Variants in PAQR5 observed in about 807,000 individuals in gnomAD.
The protein encoded by PAQR5 is progestin and adipoQ receptor family member 5, also known as membrane progestin receptor gamma.
PAQR5 carries 20 observed loss-of-function variants against 34.5 expected under a neutral mutation model. The observed-to-expected ratio is 0.58, with a 90% CI of 0.41 to 0.84. The LOEUF (loss-of-function observed/expected upper bound fraction) is 0.84, where lower values mean the gene tolerates loss of function less well. Among genes scored for constraint, PAQR5 ranks in the 40% least tolerant of loss-of-function variants. PAQR5 has a pLI of 0.00. For synonymous variants in PAQR5, 131 were observed against 155.6 expected, an observed-to-expected ratio of 0.84 and a Z score of 1.18; for missense variants, 378 against 412.7, an observed-to-expected ratio of 0.92 and a Z score of 0.73.
rs147539538 is a variant in PAQR5, at chr15:69,315,200, C to T, written c.-277+16144C>T. Among the ~76,000 whole-genome samples the T allele has an allele frequency of 2.2e-4, 34 of 152,226 alleles. No homozygotes were observed. The East Asian group carries it at 6.4e-3, about 29-fold the overall frequency. ...AGACTGTTTATGGTGGGCCTTCACA[C>T]GACTGCAACTGCGTTCTCTGCCCTT... On this transcript the variant is annotated intron_variant, in intron 1 of 8. Coordinates refer to ENST00000395407, the MANE Select transcript of PAQR5 (RefSeq NM_017705.4).
intron 1 of PAQR5, among the ~76,000 whole-genome samples, chr15:69,320,852 G>A (rs1341966981): frequency 2.6e-5 from 4 of 152,180 alleles, no homozygotes; most frequent in African/African-American, 9.6e-5. Context: ...TATGTCACAA[G>A]TATGCTTTTT....
rs188606333 is a variant in PAQR5 at position 69,385,669 on chromosome 15, A to C, written c.385+787A>C. ...GGTCCCATTCTAGGTGAGAAAACCA[A>C]TTATTGTCTTCCTTGCCCAAGAGGT... is the stretch of plus-strand genomic sequence containing the variant. On this transcript the variant is annotated intron_variant, in intron 5 of 8. Coordinates refer to ENST00000395407, the MANE Select transcript of PAQR5 (RefSeq NM_017705.4). The surrounding 1 kb of genome is among the most constrained non-coding windows in gnomAD (Gnocchi z 4.7). Among the ~76,000 whole-genome samples the C allele has an allele frequency of 5.3e-5, 8 of 152,156 alleles. No individual in the cohort carries two copies. The East Asian group carries it at 1.5e-3, about 29-fold the overall frequency.
At chr15:69,327,329 GTC>G (rs1473852976) in intron 1 of PAQR5, among the ~76,000 whole-genome samples, 1 of 152,098 alleles carries the variant, frequency 6.6e-6, no homozygotes, top group African/African-American at 2.4e-5. Context: ...GGCATCAGAA[GTC>G]TCTGCTTTCT....
rs1595840425 is a variant in PAQR5, at chr15:69,314,953, C to T, written c.-277+15897C>T. On this transcript the variant is annotated intron_variant, in intron 1 of 8. Coordinates refer to ENST00000395407, the MANE Select transcript of PAQR5 (RefSeq NM_017705.4). ...CTGTGTCTGATTGTGCCTTCAGTAT[C>T]GCTGTCTGGGCGCCTGCTGGTGCCG... Among the ~76,000 whole-genome samples, 3 of 152,242 alleles carry T rather than the reference C, an allele frequency of 2.0e-5. No homozygotes were observed. The South Asian group carries it at 6.2e-4, about 32-fold the overall frequency.
At chr15:69,313,983 C>T (rs1041979735) in intron 1 of PAQR5, among the ~76,000 whole-genome samples, 4 of 151,960 alleles carry the variant, frequency 2.6e-5, no homozygotes, top group African/African-American at 4.8e-5. Context: ...CCTTCACAGC[C>T]GCCTCCCCAA....
intron 8 of PAQR5, among the ~76,000 whole-genome samples, chr15:69,403,144 A>G (rs1256180097): frequency 6.6e-6 from 1 of 152,256 alleles, no homozygotes; most frequent in Non-Finnish European, 1.5e-5. Flanking sequence ...TTTTCATCTG[A>G]AAAATGAGAC....
Position 69,393,356 on chromosome 15 carries a change from CAGA to C in PAQR5, c.512+3582_512+3584del, listed in dbSNP as rs1183370551. Among the ~76,000 whole-genome samples the C allele has an allele frequency of 2.6e-5, 4 of 152,300 alleles. No individual in the cohort carries two copies. The South Asian group carries it at 6.2e-4, about 24-fold the overall frequency. On this transcript the variant is annotated intron_variant, in intron 6 of 8. Transcript: ENST00000395407. ...AAGTGATGCTGGCCCTGAGTAATTTCAGAAGAAGTGGGTAGAGAGGAGGGTGTG... is the reference window on the plus strand; with the variant it reads ...AAGTGATGCTGGCCCTGAGTAATTTCAGAAGTGGGTAGAGAGGAGGGTGTG...
rs375484481 is a variant in PAQR5, at chr15:69,323,844, AGAC to A, written c.-276-13496_-276-13494del. On this transcript the variant is annotated intron_variant, in intron 1 of 8. Transcript: ENST00000395407. ...AGTTAAATGTAGCACCATTTTATAT[AGAC>A]AGTATTACGAGATTTAGGCTGTTCT... is the stretch of plus-strand genomic sequence containing the variant. Among the ~76,000 whole-genome samples the A allele has an allele frequency of 2.9e-3, 447 of 152,290 alleles. 4 individuals carry two copies. Among genetic ancestry groups the A allele is most frequent in the African/African-American group, 0.01 (436 of 41,556 alleles).
At chr15:69,345,091 C>T (rs1328353696) in intron 2 of PAQR5, among the ~76,000 whole-genome samples, 2 of 139,772 alleles carry the variant, frequency 1.4e-5, no homozygotes, top group East Asian at 2.1e-4. Flanking sequence ...GAGACCCTGT[C>T]GTGAAAGAAA....
intron 4 of PAQR5, among the ~76,000 whole-genome samples, chr15:69,380,858 C>G (rs2055865566): frequency 6.6e-6 from 1 of 152,220 alleles, no homozygotes; most frequent in South Asian, 2.1e-4. Flanking sequence ...GTGGCACAGG[C>G]TGGTCACTGG....
chr15:69,402,563 G>A (rs1264989469), intron 8 of PAQR5, among the ~76,000 whole-genome samples: 4 of 152,076 alleles, frequency 2.6e-5, no homozygotes, highest in African/African-American at 9.7e-5. Context: ...TGATCCACCC[G>A]CCTCAGCCTC....
chr15:69,389,596 G>A (rs2140956290), intron 5 of PAQR5, 58 bp from the exon 6 acceptor site: 1 of 1,608,404 alleles, frequency 6.2e-7, no homozygotes, highest in Admixed American at 1.7e-5. Flanking sequence ...GTCTTTGCAA[G>A]GGGCCCATGT....
intron 2 of PAQR5, among the ~76,000 whole-genome samples, chr15:69,359,337 C>G (rs2055169087): frequency 6.6e-6 from 1 of 152,164 alleles, no homozygotes; most frequent in African/African-American, 2.4e-5. Flanking sequence ...AGACAAAACT[C>G]CTCAGACACC....
At chr15:69,307,547 G>A (rs972024824) in intron 1 of PAQR5, among the ~76,000 whole-genome samples, 9 of 152,156 alleles carry the variant, frequency 5.9e-5, no homozygotes, top group Non-Finnish European at 8.8e-5. Context: ...TGGAGATGAG[G>A]CCCTGAGGGT....
At chr15:69,305,342 C>T (rs978651867) in intron 1 of PAQR5, among the ~76,000 whole-genome samples, 2 of 152,136 alleles carry the variant, frequency 1.3e-5, no homozygotes, top group Non-Finnish European at 2.9e-5. Context: ...CAGGGGAGAC[C>T]ATGTTCTCTT....
At chr15:69,365,128 A>G (rs2055365616) in intron 3 of PAQR5, among the ~76,000 whole-genome samples, 1 of 146,156 alleles carries the variant, frequency 6.8e-6, no homozygotes, top group African/African-American at 2.6e-5. Context: ...TTATTTAGAG[A>G]CAGAGTCTTG....
chr15:69,322,796 AGAAGAAGAGGAAGAG>A lies in PAQR5; in HGVS notation c.-276-14536_-276-14522del, dbSNP rs1566998119. On this transcript the variant is annotated intron_variant, in intron 1 of 8. Coordinates refer to ENST00000395407, the MANE Select transcript of PAQR5 (RefSeq NM_017705.4). ...AGGGAGAAGAAGAAGACGAGGAAGA[AGAAGAAGAGGAAGAG>A]GAAGAAGAAGAAGAAGAAGAAGAAG... 2.3e-4 allele frequency among the ~76,000 whole-genome samples: 31 copies of A among 135,730 alleles called. 8 individuals are homozygous for A. Among genetic ancestry groups the A allele is most frequent in the African/African-American group, 9.0e-4 (28 of 31,026 alleles). 89.0% of individuals were successfully genotyped at this position (135,730 alleles called of 152,430 possible).
chr15:69,365,668 C>T (rs991211767), intron 3 of PAQR5, among the ~76,000 whole-genome samples: 3 of 152,102 alleles, frequency 2.0e-5, no homozygotes, highest in African/African-American at 4.8e-5. Flanking sequence ...CTGTCCTTGC[C>T]TGGACTTGGG....
Position 69,325,749 on chromosome 15 carries a change from A to G in PAQR5, c.-276-11592A>G, listed in dbSNP as rs568498240. Among the ~76,000 whole-genome samples the G allele has an allele frequency of 6.6e-4, 101 of 152,202 alleles. 1 individual carries two copies. The highest frequency in any genetic ancestry group is 1.2e-4 in the Non-Finnish European group (8 of 68,016). On this transcript the variant is annotated intron_variant, in intron 1 of 8. Coordinates refer to ENST00000395407, the MANE Select transcript of PAQR5 (RefSeq NM_017705.4). ...CTGCCTCTCACCTGGCTGGTTCCTG[A>G]CCACTCCCCAAACACGTGACCCCTC...
Sources: gnomAD v4.1 joint callset for allele counts (sites outside exome capture counted in the v4.1 genomes callset) on GRCh38, gnomAD v4.1.1 for gene constraint, Gnocchi (gnomAD v3.1) non-coding constraint, MANE v1.5 for transcripts, NCBI Gene and HGNC (gene_info 2026-07-23, HGNC 2026-07-21) for gene names.